KHDRBS2: variants seen among roughly 807,000 people sequenced by gnomAD.
KHDRBS2 encodes KH domain-containing, RNA-binding, signal transduction-associated protein 2.
Under a neutral mutation model 44.3 loss-of-function variants are expected in KHDRBS2, and 26 were observed. The ratio of observed to expected loss-of-function variants is 0.59; its 90% confidence interval spans 0.43 to 0.81. The LOEUF (loss-of-function observed/expected upper bound fraction) is 0.81. KHDRBS2 is among the 40% of genes least tolerant of loss of function. KHDRBS2 has a pLI of 0.00. For synonymous variants in KHDRBS2, 194 were observed against 151.1 expected (o/e 1.28, Z -2.08); for missense variants, 476 against 433.1 (o/e 1.10, Z -0.88).
the KHDRBS2 span, among the ~76,000 whole-genome samples, chr6:61,601,121 T>C: frequency 1.3e-5 from 2 of 152,134 alleles, no homozygotes; most frequent in South Asian, 4.1e-4. Context: ...GATGCCTGCT[T>C]TGGCTGCTCA....
At chr6:62,120,131 T>C (rs1254064129) in intron 2 of KHDRBS2, among the ~76,000 whole-genome samples, 1 of 152,126 alleles carries the variant, frequency 6.6e-6, no homozygotes, top group African/African-American at 2.4e-5. Flanking sequence ...TTGCAACTCA[T>C]GGAGTTAAAA....
chr6:61,984,504 C>CAT (rs1481737015), intron 3 of KHDRBS2, among the ~76,000 whole-genome samples: 1 of 151,954 alleles, frequency 6.6e-6, no homozygotes, highest in East Asian at 1.9e-4. Context: ...CTTACTGAAA[C>CAT]AGAGATTTAC....
At chr6:61,757,390 G>A (rs543276027) in intron 6 of KHDRBS2, among the ~76,000 whole-genome samples, 35 of 152,070 alleles carry the variant, frequency 2.3e-4, no homozygotes, top group South Asian at 4.2e-4. Context: ...CATACTCCCC[G>A]TCAACTTACT....
At chr6:61,950,450 T>G (rs2127383114) in intron 4 of KHDRBS2, among the ~76,000 whole-genome samples, 1 of 152,068 alleles carries the variant, frequency 6.6e-6, no homozygotes, top group African/African-American at 2.4e-5. Context: ...AATTCCAGAT[T>G]TTTTTTCATA....
At chr6:62,048,051 C>A (rs1788096344) in intron 2 of KHDRBS2, 57 bp from the exon 3 acceptor site, 2 of 995,448 alleles carry the variant, frequency 2.0e-6, no homozygotes, top group African/African-American at 1.6e-5. Flanking sequence ...TGATTATTTG[C>A]ACCAAGAGTA....
the KHDRBS2 span, among the ~76,000 whole-genome samples, chr6:61,543,600 G>A: frequency 6.6e-6 from 1 of 151,908 alleles, no homozygotes; most frequent in Non-Finnish European, 1.5e-5. Flanking sequence ...CCCACTGCTA[G>A]ATATATACCC....
chr6:62,131,162 T>A (rs1269840647), intron 2 of KHDRBS2, among the ~76,000 whole-genome samples: 2 of 152,196 alleles, frequency 1.3e-5, no homozygotes, highest in East Asian at 3.8e-4. Context: ...CCCCTAGTAA[T>A]CTTATATGTT....
chr6:61,580,947 A>G, the KHDRBS2 span, among the ~76,000 whole-genome samples: 1 of 152,236 alleles, frequency 6.6e-6, no homozygotes, highest in African/African-American at 2.4e-5. Context: ...CTTATAAGGC[A>G]TATAATAAAA....
At chr6:62,257,533 A>G (rs912194644) in intron 1 of KHDRBS2, among the ~76,000 whole-genome samples, 16 of 152,166 alleles carry the variant, frequency 1.1e-4, no homozygotes, top group African/African-American at 3.8e-4. Flanking sequence ...CGAATAACTC[A>G]TATTTATTTT....
intron 6 of KHDRBS2, among the ~76,000 whole-genome samples, chr6:61,848,472 TATA>T (rs1794750614): frequency 2.1e-5 from 1 of 47,634 alleles, no homozygotes; most frequent in African/African-American, 1.4e-4. Context: ...GGAGGTTTTA[TATA>T]TATATATATA....
intron 3 of KHDRBS2, among the ~76,000 whole-genome samples, chr6:62,045,663 G>A (rs370860715): frequency 8.6e-4 from 130 of 152,020 alleles, no homozygotes; most frequent in Middle Eastern, 3.4e-3. Context: ...AACATATGCC[G>A]GTTTGTATGG....
In KHDRBS2 at chr6:61,781,045, C is replaced by T. The variant is rs201307974; in HGVS notation, c.811-48281G>A. Reference sequence around the variant, plus strand: ...CTTAAAGTGACAATTATGTAAGCCACAAGCCAATATTTTAAAACAGAACAT... The same window carrying T: ...CTTAAAGTGACAATTATGTAAGCCATAAGCCAATATTTTAAAACAGAACAT... On this transcript the variant is annotated intron_variant, in intron 6 of 8. Coordinates refer to ENST00000281156, the MANE Select transcript of KHDRBS2 (RefSeq NM_152688.4). Among the ~76,000 whole-genome samples, 521 of 152,248 alleles carry T rather than the reference C, an allele frequency of 3.4e-3. 4 individuals are homozygous for T. The highest frequency in any genetic ancestry group is 7.5e-3 in the South Asian group (36 of 4,830).
chr6:61,820,209 C>T (rs1789673774), intron 6 of KHDRBS2, among the ~76,000 whole-genome samples: 1 of 152,020 alleles, frequency 6.6e-6, no homozygotes, highest in Non-Finnish European at 1.5e-5. Flanking sequence ...CATGGGATGA[C>T]ATTGAAGATC....
chr6:61,741,464 T>TA (rs1314110126), intron 6 of KHDRBS2, among the ~76,000 whole-genome samples: 2 of 151,932 alleles, frequency 1.3e-5, no homozygotes, highest in South Asian at 2.1e-4. Context: ...CAGATAATTT[T>TA]AAAAAATAAT....
intron 6 of KHDRBS2, among the ~76,000 whole-genome samples, chr6:61,761,091 T>C (rs1280743459): frequency 6.6e-6 from 1 of 152,240 alleles, no homozygotes; most frequent in Admixed American, 6.5e-5. Flanking sequence ...GAGCTTCATA[T>C]GCTATAGGGA....
intron 6 of KHDRBS2, among the ~76,000 whole-genome samples, chr6:61,746,268 C>T (rs1244433575): frequency 6.6e-6 from 1 of 152,024 alleles, no homozygotes; most frequent in African/African-American, 2.4e-5. Context: ...GTTTAAGCCT[C>T]GCATGCATTA....
intron 2 of KHDRBS2, among the ~76,000 whole-genome samples, chr6:62,164,385 GA>G (rs1221556155): frequency 6.6e-6 from 1 of 151,400 alleles, no homozygotes; most frequent in Non-Finnish European, 1.5e-5. Flanking sequence ...TCCATTCTAG[GA>G]AAAAAAGCCT....
At chr6:61,668,353 G>A in the KHDRBS2 span, among the ~76,000 whole-genome samples, 1 of 151,006 alleles carries the variant, frequency 6.6e-6, no homozygotes, top group Admixed American at 6.6e-5. Flanking sequence ...AGACAAGTGA[G>A]AGGCTGGTAT....
intron 6 of KHDRBS2, among the ~76,000 whole-genome samples, chr6:61,810,445 T>C (rs776333082): frequency 1.3e-5 from 2 of 152,106 alleles, no homozygotes; most frequent in African/African-American, 2.4e-5. Context: ...GCCTAGCCAG[T>C]GTTAATTTCT....
Sources: allele counts gnomAD v4.1 joint callset (sites outside exome capture counted in the v4.1 genomes callset), GRCh38; gene constraint gnomAD v4.1.1; transcripts MANE v1.5; gene names NCBI Gene and HGNC (gene_info 2026-07-23, HGNC 2026-07-21).